PRMT7: variants seen among roughly 807,000 people sequenced by gnomAD.
The protein encoded by PRMT7 is protein arginine N-methyltransferase 7.
A neutral mutation model predicts 85.4 loss-of-function variants in PRMT7; 75 were observed. The observed-to-expected ratio is 0.88, with a 90% CI of 0.73 to 1.06. The LOEUF (loss-of-function observed/expected upper bound fraction) is 1.06. PRMT7 is among the 50% of genes least tolerant of loss of function. PRMT7 has a pLI of 0.00. For missense variants in PRMT7, 868 were observed against 915.2 expected, an observed-to-expected ratio of 0.95 and a Z score of 0.67; for synonymous variants, 397 against 359.5, an observed-to-expected ratio of 1.10 and a Z score of -1.18.
Position 68,357,094 on chromosome 16 carries a change from A to T in PRMT7, c.1949A>T (p.Tyr650Phe). The T allele has an allele frequency of 6.2e-7, 1 of 1,613,214 alleles. No individual in the cohort carries two copies. The highest frequency in any genetic ancestry group is 8.5e-7 in the Non-Finnish European group (1 of 1,179,674). ...AACCCCCACTGCAAGCAGGCCGTCT[A>T]CTTCTTCAGCCCTGCCCCAGATCCC... ...CWNPHCKQAV[Y>F]FFSPAPDPRA... Residue 650 changes from tyrosine to phenylalanine, a missense_variant, in exon 19 of 19, where the codon TAC (tyrosine) becomes TTC (phenylalanine). Tyr to Phe is a conservative substitution (Grantham distance 22). Coordinates refer to ENST00000441236, the MANE Select transcript of PRMT7 (RefSeq NM_019023.5).
chr16:68,337,702 C>G (rs2084908179), intron 7 of PRMT7, 131 bp downstream of exon 7: 2 of 403,222 alleles, frequency 5.0e-6, no homozygotes, highest in African/African-American at 3.1e-5. Flanking sequence ...CCCTCCATTC[C>G]TGGGGGGGCT....
At chr16:68,324,864 A>G (rs1228194728) in intron 5 of PRMT7, 32 bp downstream of exon 5, 2 of 1,611,158 alleles carry the variant, frequency 1.2e-6, no homozygotes, top group Middle Eastern at 1.9e-4. Context: ...TGTGTCCTGC[A>G]TCTTGCATGG....
downstream of PRMT7, chr16:68,358,657 GT>G (rs1216038799): frequency 1.3e-5 from 2 of 152,640 alleles, no homozygotes; most frequent in African/African-American, 2.4e-5. Flanking sequence ...ACTTAAGGTG[GT>G]TTTGGACAAA....
chr16:68,355,429 T>C (rs1272082754), intron 16 of PRMT7: 2 of 279,488 alleles, frequency 7.2e-6, no homozygotes, highest in African/African-American at 2.2e-5. Flanking sequence ...TTCTAGGTGC[T>C]GGGTGTTCTC....
chr16:68,329,901 A>AT (rs1200089209), intron 6 of PRMT7, among the ~76,000 whole-genome samples: 113 of 147,898 alleles, frequency 7.6e-4, no homozygotes, highest in African/African-American at 2.0e-3. Flanking sequence ...ACACACACAT[A>AT]TTTTTTTTTT....
chr16:68,321,926 A>G (rs934778839), intron 4 of PRMT7, among the ~76,000 whole-genome samples: 4 of 151,554 alleles, frequency 2.6e-5, no homozygotes, highest in African/African-American at 7.3e-5. Context: ...AGCAGGTACC[A>G]TTCTCTGGGC....
rs1368245296 is a variant in PRMT7, at chr16:68,358,359, TC to T, written c.*1137del. ...TCACAGTTTTATTTTCTCCTCGTTA[TC>T]CATCCTTCCTTTCAGCACCAGTAAG... On this transcript the variant is annotated 3_prime_UTR_variant, in exon 19 of 19. Coordinates refer to ENST00000441236, the MANE Select transcript of PRMT7 (RefSeq NM_019023.5). The T allele has an allele frequency of 2.6e-5, 4 of 152,760 alleles. No homozygotes were observed. The highest frequency in any genetic ancestry group is 9.6e-5 in the African/African-American group (4 of 41,466). 9.5% of individuals were successfully genotyped at this position (152,760 alleles called of 1,614,324 possible).
intron 6 of PRMT7, among the ~76,000 whole-genome samples, chr16:68,332,737 G>C (rs2084076866): frequency 6.6e-6 from 1 of 152,130 alleles, no homozygotes; most frequent in African/African-American, 2.4e-5. Flanking sequence ...TTTCCTGTCT[G>C]TTTAACTCAG....
chr16:68,346,119 G>T (rs1002043421), intron 10 of PRMT7, 26 bp from the exon 11 acceptor site: 29 of 1,611,756 alleles, frequency 1.8e-5, no homozygotes, highest in Non-Finnish European at 2.4e-5. Context: ...CACAGCCCAC[G>T]TCTGTTTGTT....
chr16:68,351,350 G>A (rs769740436), intron 14 of PRMT7: 18 of 140,006 alleles, frequency 1.3e-4, no homozygotes, highest in Non-Finnish European at 2.6e-4. Context: ...CCACCCTGTA[G>A]TCTCCGTTTC....
chr16:68,352,010 C>G, intron 14 of PRMT7: 1 of 453,416 alleles, frequency 2.2e-6, no homozygotes, highest in Admixed American at 3.8e-5. Flanking sequence ...TGGTTGTAAT[C>G]TTTACAGCCT....
intron 16 of PRMT7, among the ~76,000 whole-genome samples, chr16:68,353,961 G>A (rs1261781912): frequency 6.6e-6 from 1 of 152,206 alleles, no homozygotes; most frequent in African/African-American, 2.4e-5. Flanking sequence ...TTAGCAACTG[G>A]GCCTACGTTC....
chr16:68,336,728 G>A (rs191026089), intron 6 of PRMT7, among the ~76,000 whole-genome samples: 27 of 152,190 alleles, frequency 1.8e-4, no homozygotes, highest in African/African-American at 5.8e-4. Context: ...CTTTTTGGGT[G>A]TGTGTTTTTT....
Position 68,348,240 on chromosome 16 carries a change from C to T in PRMT7, c.1324-102C>T, listed in dbSNP as rs148006732. The stretch of plus-strand genomic sequence containing the variant: ...AAAGTGGTGTTCCAGAACCATTTGC[C>T]GGAAAATTCAAAGCGGAGAATGCAA... On this transcript the variant is annotated intron_variant, in intron 13 of 18. Coordinates refer to ENST00000441236, the MANE Select transcript of PRMT7 (RefSeq NM_019023.5). 2,413 of 993,316 alleles carry T rather than the reference C, an allele frequency of 2.4e-3. 34 individuals carry two copies. In the African/African-American group the frequency reaches 0.032, roughly 13 times the overall value. 61.5% of individuals were successfully genotyped at this position (993,316 alleles called of 1,614,324 possible).
intron 6 of PRMT7, among the ~76,000 whole-genome samples, chr16:68,334,871 A>G (rs1947141524): frequency 6.6e-6 from 1 of 151,992 alleles, no homozygotes; most frequent in Non-Finnish European, 1.5e-5. Context: ...ATTTCAGCTC[A>G]CTACAACATC....
intron 3 of PRMT7, among the ~76,000 whole-genome samples, chr16:68,319,246 G>T (rs2082210481): frequency 6.6e-6 from 1 of 152,210 alleles, no homozygotes; most frequent in Non-Finnish European, 1.5e-5. Flanking sequence ...TCTCAAGGGG[G>T]TGTGGAATGT....
At chr16:68,322,339 A>G (rs1397734894) in intron 4 of PRMT7, 2 of 434,934 alleles carry the variant, frequency 4.6e-6, no homozygotes, top group Non-Finnish European at 9.2e-6. Context: ...AGCTGGGACT[A>G]CAGGCATGCC....
rs1332487873 is a variant in PRMT7 at position 68,358,248 on chromosome 16, G to A, written c.*1024G>A. 3 of 152,560 alleles carry A rather than the reference G, an allele frequency of 2.0e-5. No individual in the cohort carries two copies. Among genetic ancestry groups the A allele is most frequent in the Admixed American group, 2.0e-4 (3 of 15,294 alleles). The allele number at this position is 152,560 out of a possible 1,614,324, so 9.5% of individuals were successfully genotyped here. A position where few individuals can be genotyped will look rare whatever the true frequency, so the allele number is the denominator to read the frequency against. Reference sequence around the variant, plus strand: ...GTGCCTGTCCTGCAGTTGGGGGCAGGAACTCCCTCCCCTGCCCCCAGGCGT... The same window carrying A: ...GTGCCTGTCCTGCAGTTGGGGGCAGAAACTCCCTCCCCTGCCCCCAGGCGT... On this transcript the variant is annotated 3_prime_UTR_variant, in exon 19 of 19. Coordinates refer to ENST00000441236, the MANE Select transcript of PRMT7 (RefSeq NM_019023.5).
chr16:68,345,248 C>A (rs188314046), intron 9 of PRMT7, among the ~76,000 whole-genome samples: 12 of 152,320 alleles, frequency 7.9e-5, no homozygotes, highest in Admixed American at 7.8e-4. Context: ...ATTCCGAGTA[C>A]GTTAAAGCCT....
Sources: allele counts gnomAD v4.1 joint callset (sites outside exome capture counted in the v4.1 genomes callset), GRCh38; gene constraint gnomAD v4.1.1; transcripts MANE v1.5; gene names NCBI Gene and HGNC (gene_info 2026-07-23, HGNC 2026-07-21).